BCAR1: variants seen among roughly 807,000 people sequenced by gnomAD.
BCAR1 encodes the protein breast cancer anti-estrogen resistance protein 1.
In BCAR1, 30 loss-of-function variants were observed where a neutral mutation model predicts 67.6. The ratio of observed to expected loss-of-function variants is 0.44; its 90% CI spans 0.33 to 0.60. The LOEUF (loss-of-function observed/expected upper bound fraction) is 0.60. Ranked by LOEUF, BCAR1 falls within the 20% of genes least tolerant of loss-of-function variation. The pLI is 0.02. For synonymous variants in BCAR1, 626 were observed against 556.7 expected, an observed-to-expected ratio of 1.12 and a Z score of -1.75; for missense variants, 1,313 against 1,222.3, an observed-to-expected ratio of 1.07 and a Z score of -1.11.
chr16:75,243,755 G>A (rs750318141), intron 1 of BCAR1, among the ~76,000 whole-genome samples: 20 of 152,222 alleles, frequency 1.3e-4, no homozygotes, highest in Non-Finnish European at 1.5e-5. Flanking sequence ...GAGGGACTTG[G>A]AGGAGGCTGT....
chr16:75,266,622 G>A (rs934961769), intron 1 of BCAR1: 26 of 906,558 alleles, frequency 2.9e-5, no homozygotes, highest in Admixed American at 3.9e-5. Context: ...CACTGGGCAC[G>A]TGCATGTTCG....
intron 2 of BCAR1, chr16:75,238,748 G>C: frequency 4.1e-6 from 4 of 985,522 alleles, no homozygotes; most frequent in Non-Finnish European, 4.8e-6. Context: ...CTCCCTCCAC[G>C]CGCCCCAGAC....
At position 75,265,308 on chromosome 16, in the gene BCAR1, C is replaced by G. The variant is rs549070026; in HGVS notation, c.66+2607G>C. The G allele has an allele frequency of 1.7e-3, 252 of 152,518 alleles. 2 individuals are homozygous for G. Among genetic ancestry groups the G allele is most frequent in the Admixed American group, 4.0e-3 (62 of 15,312 alleles). 9.4% of individuals were successfully genotyped at this position (152,518 alleles called of 1,614,324 possible). On this transcript the variant is annotated intron_variant, in intron 1 of 6. Transcript: ENST00000393422. ...TCCGGCGACTGGCAGAGACCGCGCCCCAACCTGGCCACCCCGGGGGAGTCC... is the reference window on the plus strand; with the variant it reads ...TCCGGCGACTGGCAGAGACCGCGCCGCAACCTGGCCACCCCGGGGGAGTCC...
upstream of BCAR1, chr16:75,251,660 C>A (rs975143381): frequency 1.0e-6 from 1 of 997,606 alleles, no homozygotes; most frequent in African/African-American, 1.7e-5. Flanking sequence ...CCCAGCCGGC[C>A]CAGCCCGATC....
At chr16:75,239,432 T>G (rs11644597) in intron 2 of BCAR1, among the ~76,000 whole-genome samples, 152,224 of 152,272 alleles carry the variant, frequency 1, 76,088 homozygotes, top group Middle Eastern at 1. Context: ...CCTCCCCTAC[T>G]ATCAGGCATC....
upstream of BCAR1, among the ~76,000 whole-genome samples, chr16:75,254,168 C>T (rs1021490900): frequency 1.3e-5 from 2 of 152,102 alleles, no homozygotes; most frequent in Non-Finnish European, 2.9e-5. Context: ...CCACACATTT[C>T]GGGGCACAGA....
At chr16:75,267,543 G>A (rs1027329772) in intron 1 of BCAR1, among the ~76,000 whole-genome samples, 6 of 152,030 alleles carry the variant, frequency 3.9e-5, no homozygotes, top group African/African-American at 4.8e-5. Context: ...TCTGCCTGGC[G>A]CCCGGGCTCC....
chr16:75,230,050 G>C (rs377240538), intron 6 of BCAR1, 27 bp from the exon 7 acceptor site: 151 of 1,518,308 alleles, frequency 9.9e-5, no homozygotes, highest in Non-Finnish European at 1.3e-4. Flanking sequence ...GCAGGAGCAG[G>C]GTTAGGCTCT....
rs2076826094 is a variant in BCAR1 at position 75,229,759 on chromosome 16, C to T, written c.2365G>A (p.Ala789Thr). The T allele has an allele frequency of 7.4e-6, 12 of 1,613,442 alleles. No homozygotes were observed. Among genetic ancestry groups the T allele is most frequent in the Non-Finnish European group, 9.3e-6 (11 of 1,180,004 alleles). The change falls in exon 7 of 7, where the codon GCC becomes ACC. Residue 789 changes from alanine (A) to threonine (T), a missense_variant. Coordinates refer to ENST00000162330, the MANE Select transcript of BCAR1 (RefSeq NM_014567.5). ...TCCCCGATGAACACCAGCTTGTGGG[C>T]GCTGAGGATGACGAACTTGCTGTGC... The part of the protein sequence containing the change: ...VAHSKFVILS[A>T]HKLVFIGDTL...
At chr16:75,243,235 T>C in intron 1 of BCAR1, 145 bp from the exon 2 acceptor site, 1 of 848,868 alleles carries the variant, frequency 1.2e-6, no homozygotes, top group Non-Finnish European at 1.8e-6. Context: ...CATTGTGCCT[T>C]TGCCTCCACT....
chr16:75,245,015 A>G (rs994144746), intron 1 of BCAR1, among the ~76,000 whole-genome samples: 6 of 152,212 alleles, frequency 3.9e-5, no homozygotes, highest in Non-Finnish European at 4.4e-5. Flanking sequence ...AAGAAAAAAA[A>G]AGAAAACGGT....
At chr16:75,260,210 GCCAGA>G (rs2077873213) in intron 1 of BCAR1, among the ~76,000 whole-genome samples, 1 of 150,642 alleles carries the variant, frequency 6.6e-6, no homozygotes, top group Non-Finnish European at 1.5e-5. Context: ...AAAGGAAAAA[GCCAGA>G]CCCCAAAGTG....
chr16:75,247,059 C>T (rs1287288538), intron 1 of BCAR1: 3 of 152,748 alleles, frequency 2.0e-5, no homozygotes, highest in Non-Finnish European at 4.4e-5. Flanking sequence ...GACTATCATC[C>T]CCTCCAGGAA....
In BCAR1 at chr16:75,235,339, C is replaced by T. The variant is rs1456817219; in HGVS notation, c.1560G>A (p.Glu520=). 1 of 1,601,932 alleles carries T rather than the reference C, an allele frequency of 6.2e-7. No homozygotes were observed. Among genetic ancestry groups the T allele is most frequent in the Non-Finnish European group, 8.5e-7 (1 of 1,172,640 alleles). ...AVQSAVHELL[E]FARSAVGNAA... ...CATTGCCCACCGCGCTGCGGGCAAACTCCAACAGCTCGTGGACGGCACTCT... is the reference window on the plus strand; with the variant it reads ...CATTGCCCACCGCGCTGCGGGCAAATTCCAACAGCTCGTGGACGGCACTCT... Residue 520 remains glutamate (E), a synonymous_variant, in exon 5 of 7, where the codon GAG becomes GAA. Coordinates refer to ENST00000162330, the MANE Select transcript of BCAR1 (RefSeq NM_014567.5).
In BCAR1 at chr16:75,237,283, T is replaced by C; in HGVS notation, c.695A>G (p.Asp232Gly). ...YVYEAAQPEQ[D>G]EYDIPRHLLA... ...CAGGTGTCGCGGGATGTCGTACTCG[T>C]CCTGCTCCGGCTGGGCGGCCTCGTA... Residue 232 changes from aspartate (D) to glycine (G), a missense_variant, in exon 3 of 7, where the codon GAC becomes GGC. Asp to Gly is a moderately conservative substitution (Grantham distance 94). Coordinates refer to ENST00000162330, the MANE Select transcript of BCAR1 (RefSeq NM_014567.5). 2 of 1,522,024 alleles carry C rather than the reference T, an allele frequency of 1.3e-6. No individual in the cohort carries two copies. The highest frequency in any genetic ancestry group is 1.4e-5 in the African/African-American group (1 of 71,498). 94.3% of individuals were successfully genotyped at this position (1,522,024 alleles called of 1,614,324 possible). A position where few individuals can be genotyped will look rare whatever the true frequency, so the allele number is the denominator to read the frequency against.
chr16:75,238,172 G>A (rs931359121), intron 2 of BCAR1: 33 of 1,261,386 alleles, frequency 2.6e-5, no homozygotes, highest in African/African-American at 1.2e-4. Context: ...AGGGCCACAG[G>A]ACCCCTCACC....
At chr16:75,259,970 G>A (rs2077866626) in intron 1 of BCAR1, among the ~76,000 whole-genome samples, 1 of 152,146 alleles carries the variant, frequency 6.6e-6, no homozygotes, top group Non-Finnish European at 1.5e-5. Flanking sequence ...AAGGCGGGTG[G>A]ATCACCTGAG....
chr16:75,251,508 G>T lies in BCAR1; in HGVS notation c.-26C>A. On this transcript the variant is annotated 5_prime_UTR_variant, in exon 1 of 7. Transcript: ENST00000162330. ...GGTGTCCGGCGGGCCTGGGGCCCCG[G>T]CTCTCGCGGGGGCGCACACCGAGCT... 7.5e-7 allele frequency: 1 copy of T among 1,331,454 alleles called. No homozygotes were observed. The allele number at this position is 1,331,454 out of a possible 1,614,324, so 82.5% of individuals were successfully genotyped here. A position where few individuals can be genotyped will look rare whatever the true frequency, so the allele number is the denominator to read the frequency against.
chr16:75,247,009 C>G (rs1244783357), intron 1 of BCAR1: 1 of 152,360 alleles, frequency 6.6e-6, no homozygotes, highest in Admixed American at 6.5e-5. Context: ...CTCTGGTACC[C>G]TACTCCTGCC....
Sources: allele counts gnomAD v4.1 joint callset (sites outside exome capture counted in the v4.1 genomes callset), GRCh38; gene constraint gnomAD v4.1.1; transcripts MANE v1.5; gene names NCBI Gene and HGNC (gene_info 2026-07-23, HGNC 2026-07-21).